The following LEF1 variants were observed in gnomAD, a reference collection of about 807,000 sequenced individuals.
LEF1 encodes the protein lymphoid enhancer-binding factor 1.
Under a neutral mutation model 51.2 loss-of-function variants are expected in LEF1, and 14 were observed. That is an observed-to-expected ratio of 0.27 (90% CI 0.18 to 0.43). LEF1 has a LOEUF of 0.43. Ranked by LOEUF, LEF1 falls within the 20% of genes least tolerant of loss-of-function variation. LEF1 has a pLI of 1.00. For synonymous variants in LEF1, 185 were observed against 183.2 expected, an observed-to-expected ratio of 1.01 and a Z score of -0.08; for missense variants, 386 against 512.0, an observed-to-expected ratio of 0.75 and a Z score of 2.37.
intron 3 of LEF1, among the ~76,000 whole-genome samples, chr4:108,101,156 T>C (rs1740795624): frequency 1.3e-5 from 2 of 152,188 alleles, no homozygotes; most frequent in Non-Finnish European, 2.9e-5. Context: ...TCCTTTTACT[T>C]CTCAAGGAAA....
intron 3 of LEF1, among the ~76,000 whole-genome samples, chr4:108,144,842 A>G (rs1743895113): frequency 7.4e-6 from 1 of 134,990 alleles, no homozygotes; most frequent in Non-Finnish European, 1.5e-5. Flanking sequence ...TAATCTGTAC[A>G]GCAAAGAATT....
intron 3 of LEF1, among the ~76,000 whole-genome samples, chr4:108,110,294 A>C (rs920335241): frequency 2.0e-5 from 3 of 152,200 alleles, no homozygotes; most frequent in Non-Finnish European, 4.4e-5. Context: ...TAAAATTAAC[A>C]AGTTTCACTA....
intron 11 of LEF1, among the ~76,000 whole-genome samples, chr4:108,062,144 G>A (rs1737737218): frequency 6.6e-6 from 1 of 152,196 alleles, no homozygotes; most frequent in Admixed American, 6.5e-5. Context: ...AAAAGCTGAA[G>A]TAGATTGCTC....
At chr4:108,061,808 G>A (rs4956152) in intron 11 of LEF1, among the ~76,000 whole-genome samples, 128,738 of 152,192 alleles carry the variant, frequency 0.85, 55,616 homozygotes, top group East Asian at 0.97. Context: ...AATAGCCACT[G>A]AGTTAAAATG....
intron 3 of LEF1, among the ~76,000 whole-genome samples, chr4:108,141,956 T>C (rs1743688041): frequency 6.6e-6 from 1 of 152,190 alleles, no homozygotes; most frequent in South Asian, 2.1e-4. Flanking sequence ...AAAAAAATTA[T>C]GTAAGTTTCC....
At chr4:108,165,257 G>C (rs1257762694) in intron 1 of LEF1, 94 bp from the exon 2 acceptor site, 3 of 1,215,076 alleles carry the variant, frequency 2.5e-6, no homozygotes, top group Non-Finnish European at 2.4e-6. Flanking sequence ...GTAATTCAAA[G>C]GAAGAGGTTT....
Position 108,168,124 on chromosome 4 carries a change from G to T in LEF1, c.-357C>A, listed in dbSNP as rs1391577775. The T allele has an allele frequency of 1.3e-5, 2 of 152,738 alleles. No homozygotes were observed. The highest frequency in any genetic ancestry group is 2.9e-5 in the Non-Finnish European group (2 of 68,418). 9.5% of individuals were successfully genotyped at this position (152,738 alleles called of 1,614,324 possible). On this transcript the variant is annotated 5_prime_UTR_variant, in exon 1 of 12. Transcript: ENST00000265165. The surrounding 1 kb of genome is among the most constrained non-coding windows in gnomAD (Gnocchi z 4.6). ...GCCCCGGCGGCCACCCCGCGACCCC[G>T]CGTCGCCGGGATTTGCGCGCGGAGA...
chr4:108,108,892 T>C (rs533962077), intron 3 of LEF1, among the ~76,000 whole-genome samples: 75 of 152,316 alleles, frequency 4.9e-4, no homozygotes, highest in African/African-American at 1.8e-3. Flanking sequence ...ATCGTACAAA[T>C]AGAGTTGACT....
At chr4:108,071,172 CA>C (rs920366275) in intron 8 of LEF1, among the ~76,000 whole-genome samples, 40 of 152,200 alleles carry the variant, frequency 2.6e-4, no homozygotes, top group African/African-American at 9.4e-4. Context: ...TTTATTTATG[CA>C]AAACGTGATA....
intron 11 of LEF1, among the ~76,000 whole-genome samples, chr4:108,050,164 C>T (rs1457575131): frequency 6.6e-6 from 1 of 152,240 alleles, no homozygotes; most frequent in Non-Finnish European, 1.5e-5. Flanking sequence ...ATGATTTCAA[C>T]TGAGGAGGTC....
intron 3 of LEF1, among the ~76,000 whole-genome samples, chr4:108,102,174 G>T (rs969005920): frequency 6.6e-6 from 1 of 152,032 alleles, no homozygotes; most frequent in South Asian, 2.1e-4. Flanking sequence ...TAATGGCAAC[G>T]TGCACTGGGA....
At chr4:108,089,070 G>T (rs1304482356) in intron 4 of LEF1, 55 bp downstream of exon 4, 18 of 1,607,758 alleles carry the variant, frequency 1.1e-5, no homozygotes, top group Non-Finnish European at 1.4e-5. Flanking sequence ...AGGCTGATGA[G>T]ATTTGGCTCT....
At chr4:108,107,684 C>A (rs1741260826) in intron 3 of LEF1, among the ~76,000 whole-genome samples, 3 of 152,092 alleles carry the variant, frequency 2.0e-5, no homozygotes, top group African/African-American at 4.8e-5. Context: ...TTTTGTCACT[C>A]TCTGAGAACA....
chr4:108,086,900 C>A (rs1190934778), intron 4 of LEF1, among the ~76,000 whole-genome samples: 1 of 151,146 alleles, frequency 6.6e-6, no homozygotes, highest in Non-Finnish European at 1.5e-5. Context: ...GTTGTTTTTC[C>A]ACAAATGAGA....
intron 4 of LEF1, among the ~76,000 whole-genome samples, chr4:108,087,638 G>A (rs1739738759): frequency 6.6e-6 from 1 of 152,158 alleles, no homozygotes; most frequent in Non-Finnish European, 1.5e-5. Context: ...AAGAGTTAAT[G>A]TTTCGAAGAG....
intron 3 of LEF1, among the ~76,000 whole-genome samples, chr4:108,153,819 A>G (rs905856792): frequency 1.3e-5 from 2 of 152,246 alleles, no homozygotes; most frequent in Non-Finnish European, 2.9e-5. Flanking sequence ...TCTATTAAAA[A>G]TGATGTTACA....
Position 108,082,810 on chromosome 4 carries a change from C to T in LEF1, c.638+546G>A, listed in dbSNP as rs571446326. On this transcript the variant is annotated intron_variant, in intron 5 of 11. Transcript: ENST00000265165. ...TAAACAACAAAATAAAGAGCACTAG[C>T]GTTCATATTCAGAAAAAAAGAAGGC... 5.3e-5 allele frequency among the ~76,000 whole-genome samples: 8 copies of T among 152,194 alleles called. 1 individual carries two copies. The South Asian group carries it at 1.0e-3, about 20-fold the overall frequency.
intron 3 of LEF1, among the ~76,000 whole-genome samples, chr4:108,125,996 T>C (rs1200554320): frequency 2.0e-5 from 3 of 152,218 alleles, no homozygotes; most frequent in Admixed American, 2.0e-4. Flanking sequence ...AGTACTTAGA[T>C]GTACATGAAA....
At chr4:108,100,386 A>G (rs941325453) in intron 3 of LEF1, among the ~76,000 whole-genome samples, 1 of 152,214 alleles carries the variant, frequency 6.6e-6, no homozygotes, top group Non-Finnish European at 1.5e-5. Flanking sequence ...TAACCCATGG[A>G]AAACTGTAGT....
Sources: gnomAD v4.1 joint callset for allele counts (sites outside exome capture counted in the v4.1 genomes callset) on GRCh38, gnomAD v4.1.1 for gene constraint, Gnocchi (gnomAD v3.1) non-coding constraint, MANE v1.5 for transcripts, NCBI Gene and HGNC (gene_info 2026-07-23, HGNC 2026-07-21) for gene names.